The following PRKN variants were observed in gnomAD, a reference collection of about 807,000 sequenced individuals.
PRKN encodes E3 ubiquitin-protein ligase parkin.
Under a neutral mutation model 59.5 loss-of-function variants are expected in PRKN, and 56 were observed. The observed-to-expected ratio is 0.94, with a 90% CI of 0.76 to 1.18. The LOEUF (loss-of-function observed/expected upper bound fraction) is 1.18, where lower values mean the gene tolerates loss of function less well. PRKN is among the 50% of genes most tolerant of loss of function. The probability of loss-of-function intolerance (pLI) is 0.00; values close to 1 mark genes in which losing one functional copy is unlikely to be tolerated. For missense variants in PRKN, 657 were observed against 596.4 expected (o/e 1.10, Z -1.06); for synonymous variants, 250 against 222.1 (o/e 1.13, Z -1.12).
At chr6:161,935,554 CAAAAA>C (rs773798640) in intron 6 of PRKN, among the ~76,000 whole-genome samples, 1 of 82,642 alleles carries the variant, frequency 1.2e-5, no homozygotes. Context: ...ACCTTGTTTC[CAAAAA>C]AAAAAAAAAA....
At chr6:162,710,410 C>CACAT (rs1250877622) in intron 1 of PRKN, among the ~76,000 whole-genome samples, 1 of 150,956 alleles carries the variant, frequency 6.6e-6, no homozygotes, top group Non-Finnish European at 1.5e-5. Context: ...CACACACACA[C>CACAT]ACACAACTGT....
intron 9 of PRKN, among the ~76,000 whole-genome samples, chr6:161,389,814 A>C (rs560590483): frequency 2.0e-5 from 3 of 152,228 alleles, no homozygotes; most frequent in Admixed American, 1.3e-4. Flanking sequence ...GATGAGATAT[A>C]AAATCAGTTT....
chr6:162,517,179 C>G lies in PRKN; in HGVS notation c.8-73706G>C, dbSNP rs186837257. Reference sequence around the variant, plus strand: ...AGCTTTAAAACTCTTGATGTCCAAGCTGCATCCCAAAGCAGTTAAATCAGA... The same window carrying G: ...AGCTTTAAAACTCTTGATGTCCAAGGTGCATCCCAAAGCAGTTAAATCAGA... On this transcript the variant is annotated intron_variant, in intron 1 of 11. Coordinates refer to ENST00000366898, the MANE Select transcript of PRKN (RefSeq NM_004562.3). 4.0e-3 allele frequency among the ~76,000 whole-genome samples: 568 copies of G among 140,770 alleles called. 5 individuals are homozygous for G. Among genetic ancestry groups the G allele is most frequent in the African/African-American group, 0.014 (545 of 38,102 alleles). The allele number at this position is 140,770 out of a possible 152,430, so 92.4% of individuals were successfully genotyped here.
intron 2 of PRKN, among the ~76,000 whole-genome samples, chr6:162,314,343 C>T (rs1317197828): frequency 6.6e-6 from 1 of 152,174 alleles, no homozygotes; most frequent in Non-Finnish European, 1.5e-5. Context: ...CAGTAAAACA[C>T]ATCAATTATA....
intron 4 of PRKN, among the ~76,000 whole-genome samples, chr6:162,144,512 G>T (rs1027177125): frequency 1.3e-5 from 2 of 152,154 alleles, no homozygotes; most frequent in Admixed American, 6.5e-5. Context: ...AGCTGGTGTA[G>T]GTTTATGGTG....
chr6:162,241,229 T>G (rs1778978204), intron 3 of PRKN, among the ~76,000 whole-genome samples: 1 of 152,186 alleles, frequency 6.6e-6, no homozygotes, highest in South Asian at 2.1e-4. Context: ...TGGATTTTGA[T>G]TTCCTTAAGA....
At position 161,533,375 on chromosome 6, in the gene PRKN, C is replaced by T. The variant is rs1332168606; in HGVS notation, c.1083+15479G>A. ...TCCAACAAAGAGCAGCCTGTAAAAT[C>T]GACCTGCAGACACAAACAAGCATGC... is the stretch of plus-strand genomic sequence containing the variant. On this transcript the variant is annotated intron_variant, in intron 9 of 11. Coordinates refer to ENST00000366898, the MANE Select transcript of PRKN (RefSeq NM_004562.3). This position sits in a 1 kb window ranked among gnomAD's most constrained non-coding sequence, Gnocchi z 4.1. Among the ~76,000 whole-genome samples the T allele has an allele frequency of 6.6e-6, 1 of 152,232 alleles. No homozygotes were observed. Among genetic ancestry groups the T allele is most frequent in the South Asian group, 2.1e-4 (1 of 4,818 alleles).
At position 161,473,338 on chromosome 6, in the gene PRKN, C is replaced by T. The variant is rs1054542516; in HGVS notation, c.1083+75516G>A. ...AGGGGAGCATTATATATATAGATAC[C>T]TATATATCCATAAATTTATTTATAT... On this transcript the variant is annotated intron_variant, in intron 9 of 11. Transcript: ENST00000366898. This position sits in a 1 kb window ranked among gnomAD's most constrained non-coding sequence, Gnocchi z 4.1. Among the ~76,000 whole-genome samples the T allele has an allele frequency of 6.7e-6, 1 of 149,606 alleles. No homozygotes were observed. The highest frequency in any genetic ancestry group is 1.5e-5 in the Non-Finnish European group (1 of 67,464).
At position 161,404,219 on chromosome 6, in the gene PRKN, C is replaced by T. The variant is rs374520645; in HGVS notation, c.1084-17342G>A. On this transcript the variant is annotated intron_variant, in intron 9 of 11. Transcript: ENST00000366898. ...TAGACTCAAGTTCCCAGCTCTCTCA[C>T]CCCATGTGTTCTGAGAGCTGCTATC... Among the ~76,000 whole-genome samples the T allele has an allele frequency of 4.7e-4, 72 of 152,286 alleles. 2 individuals are homozygous for T. Among genetic ancestry groups the T allele is most frequent in the African/African-American group, 1.7e-3 (69 of 41,550 alleles).
intron 1 of PRKN, among the ~76,000 whole-genome samples, chr6:162,660,226 C>G (rs970692485): frequency 6.6e-6 from 1 of 152,088 alleles, no homozygotes; most frequent in African/African-American, 2.4e-5. Context: ...AAAGCATGTC[C>G]TCTACTTTAC....
chr6:161,723,905 G>A (rs1375856447), intron 7 of PRKN, among the ~76,000 whole-genome samples: 3 of 152,156 alleles, frequency 2.0e-5, no homozygotes, highest in Non-Finnish European at 4.4e-5. Flanking sequence ...GAGAACAGTA[G>A]GGGGCTCGGT....
rs1289595860 is a variant in PRKN at position 161,399,814 on chromosome 6, C to T, written c.1084-12937G>A. 1.3e-5 allele frequency among the ~76,000 whole-genome samples: 2 copies of T among 151,940 alleles called. No individual in the cohort carries two copies. The highest frequency in any genetic ancestry group is 2.4e-5 in the African/African-American group (1 of 41,340). On this transcript the variant is annotated intron_variant, in intron 9 of 11. Transcript: ENST00000366898. This position sits in a 1 kb window ranked among gnomAD's most constrained non-coding sequence, Gnocchi z 4.4. ...CACCGTGAAAGGATACAGCCTAGAA[C>T]AGTGCTGTCCAATTGAAACAGCAAT...
intron 2 of PRKN, among the ~76,000 whole-genome samples, chr6:162,288,916 A>G (rs9364646): frequency 0.19 from 29,638 of 152,134 alleles, 4,098 homozygotes; most frequent in East Asian, 0.53. Context: ...TTAGGTCAGC[A>G]GTACCATTGT....
chr6:162,041,599 C>T (rs1784070864), intron 5 of PRKN, among the ~76,000 whole-genome samples: 1 of 152,076 alleles, frequency 6.6e-6, no homozygotes, highest in Non-Finnish European at 1.5e-5. Flanking sequence ...TTTTGAGGTC[C>T]ACCTGTCGTA....
chr6:162,306,499 G>T (rs961550792), intron 2 of PRKN, among the ~76,000 whole-genome samples: 5 of 152,166 alleles, frequency 3.3e-5, no homozygotes, highest in Non-Finnish European at 1.5e-5. Context: ...CCCTACACGT[G>T]CTGTAGATCC....
intron 2 of PRKN, among the ~76,000 whole-genome samples, chr6:162,410,784 A>G (rs1788318046): frequency 6.6e-6 from 1 of 152,126 alleles, no homozygotes; most frequent in African/African-American, 2.4e-5. Context: ...GGCTTCTGTT[A>G]TCACCTGAGG....
intron 4 of PRKN, among the ~76,000 whole-genome samples, chr6:162,107,271 C>T (rs1452374768): frequency 6.6e-6 from 1 of 152,162 alleles, no homozygotes; most frequent in Admixed American, 6.5e-5. Context: ...TCGAGACCAG[C>T]CTGGCCAACA....
At chr6:161,982,142 T>C (rs1781283249) in intron 5 of PRKN, among the ~76,000 whole-genome samples, 2 of 152,178 alleles carry the variant, frequency 1.3e-5, no homozygotes. Context: ...CACTCAGCCA[T>C]AATTTGATGT....
At chr6:162,403,834 G>C (rs1002713757) in intron 2 of PRKN, among the ~76,000 whole-genome samples, 6 of 152,142 alleles carry the variant, frequency 3.9e-5, no homozygotes, top group African/African-American at 1.4e-4. Flanking sequence ...AATGTCAGAA[G>C]AACGTTTCAG....
Sources: gnomAD v4.1 joint callset for allele counts (sites outside exome capture counted in the v4.1 genomes callset) on GRCh38, gnomAD v4.1.1 for gene constraint, Gnocchi (gnomAD v3.1) non-coding constraint, MANE v1.5 for transcripts, NCBI Gene and HGNC (gene_info 2026-07-23, HGNC 2026-07-21) for gene names.